Variants in SCFD2 observed in about 807,000 individuals in gnomAD.
The protein encoded by SCFD2 is sec1 family domain-containing protein 2.
Under a neutral mutation model 58.9 loss-of-function variants are expected in SCFD2, and 54 were observed. That is an observed-to-expected ratio of 0.92 (90% CI 0.74 to 1.15). The LOEUF is 1.15. SCFD2 is among the 50% of genes most tolerant of loss of function. SCFD2 has a pLI of 0.00. For missense variants in SCFD2, 805 were observed against 836.6 expected, an observed-to-expected ratio of 0.96 and a Z score of 0.47; for synonymous variants, 321 against 335.9, an observed-to-expected ratio of 0.96 and a Z score of 0.49.
chr4:53,352,861 A>G (rs1734272488), intron 1 of SCFD2, 95 bp from the exon 2 acceptor site: 1 of 1,081,742 alleles, frequency 9.2e-7, no homozygotes, highest in Non-Finnish European at 1.4e-6. Flanking sequence ...CAAAAATAAC[A>G]TACATTTTTA....
rs143981622 is a variant in SCFD2 at position 52,900,112 on chromosome 4, G to A, written c.1842+7345C>T. Among the ~76,000 whole-genome samples the A allele has an allele frequency of 3.7e-4, 57 of 152,142 alleles. No homozygotes were observed. The East Asian group carries it at 0.011, about 28-fold the overall frequency. On this transcript the variant is annotated intron_variant, in intron 7 of 8. Transcript: ENST00000401642. ...GGGTTTGAACTTCCTCCTTTAGCTCGGAGTAGTTTGATCTTCTGCAGCCTT... is the reference window on the plus strand; with the variant it reads ...GGGTTTGAACTTCCTCCTTTAGCTCAGAGTAGTTTGATCTTCTGCAGCCTT...
At chr4:52,878,315 G>T (rs1027526004) in intron 8 of SCFD2, among the ~76,000 whole-genome samples, 19 of 152,170 alleles carry the variant, frequency 1.2e-4, no homozygotes, top group African/African-American at 4.6e-4. Context: ...TTTTCACTCA[G>T]GGCAGCTCTA....
chr4:53,075,345 T>C (rs1723941935), intron 5 of SCFD2, among the ~76,000 whole-genome samples: 1 of 152,172 alleles, frequency 6.6e-6, no homozygotes, highest in African/African-American at 2.4e-5. Flanking sequence ...CCACTCAAAC[T>C]TTCTCCATAT....
intron 5 of SCFD2, among the ~76,000 whole-genome samples, chr4:53,039,593 G>C (rs773265007): frequency 2.0e-5 from 3 of 152,154 alleles, no homozygotes; most frequent in South Asian, 2.1e-4. Context: ...CACTGGGCCT[G>C]AGTTTAGGCA....
intron 4 of SCFD2, among the ~76,000 whole-genome samples, chr4:53,262,976 G>A (rs530042644): frequency 1.1e-3 from 169 of 152,098 alleles, no homozygotes; most frequent in Middle Eastern, 3.4e-3. Context: ...GTCTATGATG[G>A]ATTGGGTTAA....
intron 5 of SCFD2, among the ~76,000 whole-genome samples, chr4:53,129,539 A>G (rs1725728154): frequency 6.6e-6 from 1 of 152,236 alleles, no homozygotes; most frequent in Non-Finnish European, 1.5e-5. Flanking sequence ...ATGTAAGTCA[A>G]AGCCTAGAGC....
At chr4:53,096,342 A>C (rs1724633461) in intron 5 of SCFD2, among the ~76,000 whole-genome samples, 1 of 152,186 alleles carries the variant, frequency 6.6e-6, no homozygotes, top group Non-Finnish European at 1.5e-5. Context: ...CAACAGTGTC[A>C]AAGTGTTCTT....
intron 4 of SCFD2, among the ~76,000 whole-genome samples, chr4:53,180,509 G>C (rs2148947332): frequency 6.6e-6 from 1 of 152,134 alleles, no homozygotes; most frequent in East Asian, 1.9e-4. Flanking sequence ...GCAGTGTGTA[G>C]AGGGAAATTT....
chr4:53,328,566 T>C (rs1490671540), intron 2 of SCFD2, among the ~76,000 whole-genome samples: 2 of 152,230 alleles, frequency 1.3e-5, no homozygotes, highest in Admixed American at 1.3e-4. Context: ...TATTAGTTTA[T>C]GCTAATATAC....
At chr4:53,145,823 T>C (rs1184433353) in intron 4 of SCFD2, among the ~76,000 whole-genome samples, 1 of 152,158 alleles carries the variant, frequency 6.6e-6, no homozygotes, top group African/African-American at 2.4e-5. Context: ...CATTATATCA[T>C]CTTAACATTG....
intron 2 of SCFD2, among the ~76,000 whole-genome samples, chr4:53,330,087 G>A (rs534497003): frequency 6.6e-6 from 1 of 152,004 alleles, no homozygotes; most frequent in Non-Finnish European, 1.5e-5. Context: ...AAGAAATATG[G>A]GACTATGTGA....
chr4:52,996,248 CATAAGGACCCCACTGCCT>C (rs1167247132), intron 5 of SCFD2, among the ~76,000 whole-genome samples: 1 of 152,134 alleles, frequency 6.6e-6, no homozygotes, highest in African/African-American at 2.4e-5. Context: ...TCTCTCTAGC[CATAAGGACCCCACTGCCT>C]CCCAGAGCTT....
chr4:53,158,388 T>G (rs950612469), intron 4 of SCFD2, among the ~76,000 whole-genome samples: 10 of 152,224 alleles, frequency 6.6e-5, no homozygotes, highest in African/African-American at 2.2e-4. Flanking sequence ...CCTGTAAATT[T>G]GATTCAATGT....
At chr4:53,102,488 A>G (rs1724857869) in intron 5 of SCFD2, among the ~76,000 whole-genome samples, 1 of 152,242 alleles carries the variant, frequency 6.6e-6, no homozygotes, top group East Asian at 1.9e-4. Flanking sequence ...TGCAAATAAT[A>G]TAAAGAACTA....
chr4:53,291,690 G>C (rs1731844883), intron 3 of SCFD2, among the ~76,000 whole-genome samples: 1 of 150,466 alleles, frequency 6.6e-6, no homozygotes, highest in Non-Finnish European at 1.5e-5. Flanking sequence ...TAAGCAAAAA[G>C]AACAAAGCTG....
At chr4:53,352,943 G>T (rs1734275156) in intron 1 of SCFD2, among the ~76,000 whole-genome samples, 177 bp from the exon 2 acceptor site, 1 of 152,126 alleles carries the variant, frequency 6.6e-6, no homozygotes. Flanking sequence ...TAGTCAACAT[G>T]TACCTCACAG....
At chr4:52,997,474 C>A (rs1238573883) in intron 5 of SCFD2, among the ~76,000 whole-genome samples, 3 of 152,208 alleles carry the variant, frequency 2.0e-5, no homozygotes, top group Admixed American at 6.5e-5. Context: ...GACAAGCCTC[C>A]TACTTGTGGG....
In SCFD2 at chr4:53,156,106, A is replaced by G. The variant is rs559720930; in HGVS notation, c.1312-10524T>C. Among the ~76,000 whole-genome samples, 4 of 152,346 alleles carry G rather than the reference A, an allele frequency of 2.6e-5. No homozygotes were observed. In the East Asian group the frequency reaches 5.8e-4, roughly 22 times the overall value. ...TCACTTAAGAGCTCTTGATATGGCCAGATACAGTGGCTCACACCTGTAATC... is the reference window on the plus strand; with the variant it reads ...TCACTTAAGAGCTCTTGATATGGCCGGATACAGTGGCTCACACCTGTAATC... On this transcript the variant is annotated intron_variant, in intron 4 of 8. Coordinates refer to ENST00000401642, the MANE Select transcript of SCFD2 (RefSeq NM_152540.4).
chr4:53,302,238 G>A (rs972399306), intron 3 of SCFD2, among the ~76,000 whole-genome samples: 8 of 152,220 alleles, frequency 5.3e-5, no homozygotes, highest in Admixed American at 2.6e-4. Flanking sequence ...CAGCTGATAA[G>A]CAACTTCAGC....
Sources: allele counts gnomAD v4.1 joint callset (sites outside exome capture counted in the v4.1 genomes callset), GRCh38; gene constraint gnomAD v4.1.1; transcripts MANE v1.5; gene names NCBI Gene and HGNC (gene_info 2026-07-23, HGNC 2026-07-21).